The following RBFOX3 variants were observed in gnomAD, a reference collection of about 807,000 sequenced individuals.
RBFOX3 encodes RNA binding protein fox-1 homolog 3.
In RBFOX3, 17 loss-of-function variants were observed where a neutral mutation model predicts 48.7. That is an observed-to-expected ratio of 0.35 (90% CI 0.24 to 0.52). The LOEUF (loss-of-function observed/expected upper bound fraction) is 0.52, where lower values mean the gene tolerates loss of function less well. Ranked by LOEUF, RBFOX3 falls within the 20% of genes least tolerant of loss-of-function variation. The pLI is 0.94. For missense variants in RBFOX3, 382 were observed against 497.5 expected (o/e 0.77, Z 2.21); for synonymous variants, 212 against 209.5 (o/e 1.01, Z -0.10).
the RBFOX3 span, among the ~76,000 whole-genome samples, chr17:79,658,562 C>T: frequency 6.6e-6 from 1 of 151,972 alleles, no homozygotes; most frequent in Non-Finnish European, 1.5e-5. Flanking sequence ...TCCTGCCTGC[C>T]TGGAATAGGC....
chr17:79,145,516 G>A (rs915737459), intron 4 of RBFOX3, among the ~76,000 whole-genome samples: 4 of 152,336 alleles, frequency 2.6e-5, no homozygotes, highest in South Asian at 2.1e-4. Flanking sequence ...CCTGCTCTCC[G>A]TGTTCTCCGG....
intron 1 of RBFOX3, among the ~76,000 whole-genome samples, chr17:79,581,994 G>A (rs1013668840): frequency 1.2e-4 from 18 of 151,690 alleles, no homozygotes; most frequent in Admixed American, 3.3e-4. Context: ...ATGCAAGCAC[G>A]TGCCTGCCCG....
At chr17:79,188,733 TCTC>T (rs1189803849) in intron 4 of RBFOX3, among the ~76,000 whole-genome samples, 2 of 150,352 alleles carry the variant, frequency 1.3e-5, no homozygotes, top group Admixed American at 6.7e-5. Context: ...ACTTCTCCCT[TCTC>T]CTCTTCTGTG....
chr17:79,394,745 A>T lies in RBFOX3; in HGVS notation c.-174-86921T>A, dbSNP rs551510719. Among the ~76,000 whole-genome samples the T allele has an allele frequency of 4.6e-4, 70 of 152,264 alleles. 1 individual carries two copies. The highest frequency in any genetic ancestry group is 2.5e-3 in the South Asian group (12 of 4,820). ...TTCCAACACTGAAGCCTGAGCCCCCACTGACCCACACATCTCTCTCCTCAA... is the reference window on the plus strand; with the variant it reads ...TTCCAACACTGAAGCCTGAGCCCCCTCTGACCCACACATCTCTCTCCTCAA... On this transcript the variant is annotated intron_variant, in intron 2 of 14. Transcript: ENST00000693108.
chr17:79,634,857 C>T, the RBFOX3 span, among the ~76,000 whole-genome samples: 21 of 151,778 alleles, frequency 1.4e-4, no homozygotes, highest in African/African-American at 4.8e-4. Context: ...GTCAGGAGTT[C>T]GAGACCACCC....
the RBFOX3 span, among the ~76,000 whole-genome samples, chr17:79,620,173 A>ATG: frequency 2.1e-5 from 3 of 145,840 alleles, no homozygotes; most frequent in South Asian, 2.2e-4. Context: ...ATGCACACAC[A>ATG]TGCACACACA....
intron 1 of RBFOX3, among the ~76,000 whole-genome samples, chr17:79,569,112 A>G (rs910737122): frequency 3.3e-5 from 5 of 152,124 alleles, no homozygotes; most frequent in Non-Finnish European, 7.4e-5. Flanking sequence ...GCCATTTCAA[A>G]CCATTTTTCA....
At chr17:79,139,479 G>C (rs12944841) in intron 4 of RBFOX3, among the ~76,000 whole-genome samples, 40,757 of 152,194 alleles carry the variant, frequency 0.27, 6,120 homozygotes, top group Non-Finnish European at 0.35. Context: ...CCTTCTCATT[G>C]GCTCGTGAAG....
At position 79,437,538 on chromosome 17, in the gene RBFOX3, G is replaced by A. The variant is rs567847942; in HGVS notation, c.-175+44916C>T. On this transcript the variant is annotated intron_variant, in intron 2 of 14. Coordinates refer to ENST00000693108, the MANE Select transcript of RBFOX3 (RefSeq NM_001350451.2). ...AGAGCTGGCAGAGCCCGGGACACCCGGTAGGAGCTGGGCCCCCAGGCCACC... is the reference window on the plus strand; with the variant it reads ...AGAGCTGGCAGAGCCCGGGACACCCAGTAGGAGCTGGGCCCCCAGGCCACC... Among the ~76,000 whole-genome samples, 25 of 152,322 alleles carry A rather than the reference G, an allele frequency of 1.6e-4. 1 individual carries two copies. In the South Asian group the frequency reaches 4.1e-3, roughly 25 times the overall value.
intron 2 of RBFOX3, among the ~76,000 whole-genome samples, chr17:79,420,125 T>TCACACA (rs1362849426): frequency 0.042 from 1,059 of 25,120 alleles, 15 homozygotes; most frequent in Non-Finnish European, 0.05. Context: ...AGACTCCGTC[T>TCACACA]CATACACACA....
rs557223016 is a variant in RBFOX3 at position 79,160,777 on chromosome 17, C to T, written c.-33-45029G>A. 4.6e-5 allele frequency among the ~76,000 whole-genome samples: 7 copies of T among 152,124 alleles called. No individual in the cohort carries two copies. In the South Asian group the frequency reaches 1.0e-3, roughly 23 times the overall value. On this transcript the variant is annotated intron_variant, in intron 4 of 14. Transcript: ENST00000693108. ...AGTGGATCATTTGAGGTCAGGAGTT[C>T]GAGACCAGCCTGGTCAACATGGTGA...
At chr17:79,404,630 A>G (rs1359981362) in intron 2 of RBFOX3, among the ~76,000 whole-genome samples, 1 of 151,062 alleles carries the variant, frequency 6.6e-6, no homozygotes, top group Non-Finnish European at 1.5e-5. Flanking sequence ...CTCCCCTCCC[A>G]TTACCTAGCT....
At chr17:79,405,643 C>T (rs1242424998) in intron 2 of RBFOX3, among the ~76,000 whole-genome samples, 2 of 152,186 alleles carry the variant, frequency 1.3e-5, no homozygotes, top group Non-Finnish European at 2.9e-5. Flanking sequence ...ATCGCTTGAA[C>T]CCAAGAGGCA....
At chr17:79,271,339 G>T (rs1251990367) in intron 3 of RBFOX3, among the ~76,000 whole-genome samples, 1 of 152,184 alleles carries the variant, frequency 6.6e-6, no homozygotes, top group Non-Finnish European at 1.5e-5. Context: ...GCCTCCCAAA[G>T]TGCTGGGATT....
intron 5 of RBFOX3, among the ~76,000 whole-genome samples, chr17:79,107,696 G>A (rs1376332461): frequency 6.6e-6 from 1 of 152,212 alleles, no homozygotes; most frequent in African/African-American, 2.4e-5. Context: ...GTCCGAGGTG[G>A]CCATTAGCTC....
chr17:79,156,057 TC>T (rs2045721209), intron 4 of RBFOX3, among the ~76,000 whole-genome samples: 1 of 152,150 alleles, frequency 6.6e-6, no homozygotes, highest in South Asian at 2.1e-4. Context: ...GGCCTAGCCA[TC>T]CCCTGGTGCC....
intron 2 of RBFOX3, among the ~76,000 whole-genome samples, chr17:79,379,185 G>A (rs532513559): frequency 5.9e-5 from 9 of 152,306 alleles, no homozygotes; most frequent in East Asian, 1.9e-4. Context: ...CCAGCCATGC[G>A]CTTGCTTATT....
intron 4 of RBFOX3, among the ~76,000 whole-genome samples, chr17:79,203,066 G>A (rs958964338): frequency 6.6e-6 from 1 of 151,844 alleles, no homozygotes. Flanking sequence ...CACTTCTCTC[G>A]GGGCCTGGAT....
chr17:79,135,536 C>T (rs2039994987), intron 4 of RBFOX3, among the ~76,000 whole-genome samples: 1 of 152,162 alleles, frequency 6.6e-6, no homozygotes, highest in Non-Finnish European at 1.5e-5. Flanking sequence ...AACAGGGGGG[C>T]ATCTGAGCAA....
Sources: gnomAD v4.1 joint callset for allele counts (sites outside exome capture counted in the v4.1 genomes callset) on GRCh38, gnomAD v4.1.1 for gene constraint, MANE v1.5 for transcripts, NCBI Gene and HGNC (gene_info 2026-07-23, HGNC 2026-07-21) for gene names.